Variants in GFRA1 observed in about 807,000 individuals in gnomAD.
The protein encoded by GFRA1 is GDNF family receptor alpha-1.
Under a neutral mutation model 51.6 loss-of-function variants are expected in GFRA1, and 16 were observed. The ratio of observed to expected loss-of-function variants is 0.31; its 90% confidence interval spans 0.21 to 0.47. GFRA1 has a LOEUF of 0.47. GFRA1 is among the 20% of genes least tolerant of loss of function. The pLI, the probability that GFRA1 is intolerant of heterozygous loss-of-function variation, is 1.00. For missense variants in GFRA1, 530 were observed against 594.3 expected (o/e 0.89, Z 1.13); for synonymous variants, 270 against 241.3 (o/e 1.12, Z -1.10).
chr10:116,098,838 C>G (rs1956709335), intron 6 of GFRA1, among the ~76,000 whole-genome samples: 1 of 152,196 alleles, frequency 6.6e-6, no homozygotes, highest in Admixed American at 6.5e-5. Context: ...GAATGAAAGG[C>G]TAATTGAGTC....
chr10:116,136,960 T>C (rs1224666057), intron 5 of GFRA1, among the ~76,000 whole-genome samples: 1 of 152,226 alleles, frequency 6.6e-6, no homozygotes, highest in African/African-American at 2.4e-5. Flanking sequence ...AATCATTGGC[T>C]TTCCCAAAAA....
chr10:116,089,751 G>T lies in GFRA1; in HGVS notation c.1187C>A (p.Ala396Glu). 1 of 1,613,946 alleles carries T rather than the reference G, an allele frequency of 6.2e-7. No homozygotes were observed. The change falls in exon 9 of 11, where the codon GCA becomes GAA. Residue 396 changes from alanine to glutamate, a missense_variant. Coordinates refer to ENST00000355422, the MANE Select transcript of GFRA1 (RefSeq NM_005264.8). Reference protein sequence around the residue: ...EIPTHVLPPCANLQAQKLKSN... With the variant: ...EIPTHVLPPCENLQAQKLKSN... ...GGACGCAGTTCTCACCTGTAAATTT[G>T]CACACGGTGGCAAAACATGAGTGGG...
At chr10:116,273,424 C>A (rs1844096538), upstream of GFRA1, 1 of 152,204 alleles carries the variant, frequency 6.6e-6, no homozygotes, top group South Asian at 2.1e-4. Context: ...TTGGAAGCGG[C>A]GCGGAGAATG....
chr10:116,084,796 A>ACACG (rs1399661158), intron 9 of GFRA1, among the ~76,000 whole-genome samples: 9 of 149,766 alleles, frequency 6.0e-5, no homozygotes, highest in African/African-American at 2.2e-4. Context: ...ACACACACAC[A>ACACG]CACACACACA....
At chr10:116,087,343 G>T (rs1956144185) in intron 9 of GFRA1, among the ~76,000 whole-genome samples, 1 of 152,146 alleles carries the variant, frequency 6.6e-6, no homozygotes, top group Admixed American at 6.5e-5. Flanking sequence ...CCTCTCATGG[G>T]GGAAACTCCA....
chr10:116,113,247 CAT>C lies in GFRA1; in HGVS notation c.770+11972_770+11973del, dbSNP rs1467470973. On this transcript the variant is annotated intron_variant, in intron 6 of 10. Transcript: ENST00000355422. ...AAGTATGTTCTGTTATTTATGGTAA[CAT>C]GTAATGAGCTGCTCGATGTTATTTT... is the stretch of plus-strand genomic sequence containing the variant. Among the ~76,000 whole-genome samples, 11 of 149,156 alleles carry C rather than the reference CAT, an allele frequency of 7.4e-5. 1 individual carries two copies. The Admixed American group carries it at 7.4e-4, about 10-fold the overall frequency.
At chr10:116,124,894 G>A (rs949787039) in intron 6 of GFRA1, among the ~76,000 whole-genome samples, 4 of 152,166 alleles carry the variant, frequency 2.6e-5, no homozygotes, top group Non-Finnish European at 5.9e-5. Context: ...AGCAGCAGGT[G>A]TGTGCCTTAA....
chr10:116,238,358 T>G (rs1967072487), intron 4 of GFRA1, among the ~76,000 whole-genome samples: 1 of 152,150 alleles, frequency 6.6e-6, no homozygotes, highest in African/African-American at 2.4e-5. Flanking sequence ...AATGCAAACT[T>G]TACCATCTGC....
At chr10:116,264,460 C>T (rs1969512583) in intron 4 of GFRA1, among the ~76,000 whole-genome samples, 1 of 152,196 alleles carries the variant, frequency 6.6e-6, no homozygotes, top group South Asian at 2.1e-4. Context: ...ACAAGCAAGT[C>T]TCCGACTTTC....
intron 5 of GFRA1, among the ~76,000 whole-genome samples, chr10:116,210,836 A>G (rs752395678): frequency 5.9e-5 from 9 of 152,146 alleles, no homozygotes; most frequent in East Asian, 1.9e-4. Flanking sequence ...TGCTACCAAC[A>G]TATTTCCCAG....
intron 4 of GFRA1, among the ~76,000 whole-genome samples, chr10:116,227,315 G>A (rs1249897968): frequency 1.3e-5 from 2 of 152,182 alleles, no homozygotes; most frequent in Non-Finnish European, 2.9e-5. Flanking sequence ...GCCAGCCAAT[G>A]CGCAGGGAAC....
rs1491389360 is a variant in GFRA1 at position 116,060,248 on chromosome 10, GAT to G, written c.*4148_*4149del. The G allele has an allele frequency of 6.6e-6, 1 of 152,170 alleles. No homozygotes were observed. The highest frequency in any genetic ancestry group is 1.5e-5 in the Non-Finnish European group (1 of 68,050). 9.4% of individuals were successfully genotyped at this position (152,170 alleles called of 1,614,324 possible). A position where few individuals can be genotyped will look rare whatever the true frequency, so the allele number is the denominator to read the frequency against. The stretch of plus-strand genomic sequence containing the variant: ...CAAGAGGTGTCAGATATACACTTGA[GAT>G]ATCTATCTTAGGGATGAGAGAAAAA... On this transcript the variant is annotated 3_prime_UTR_variant, in exon 11 of 11. Coordinates refer to ENST00000355422, the MANE Select transcript of GFRA1 (RefSeq NM_005264.8).
chr10:116,249,502 TTTTC>T (rs1259719043), intron 4 of GFRA1, among the ~76,000 whole-genome samples: 1 of 152,074 alleles, frequency 6.6e-6, no homozygotes, highest in Non-Finnish European at 1.5e-5. Flanking sequence ...TGCTGACAAA[TTTTC>T]TTTATCATCC....
chr10:116,058,045 A>G lies in GFRA1; in HGVS notation c.*6353T>C, dbSNP rs1164968058. The stretch of plus-strand genomic sequence containing the variant: ...GTGTGTGTGTGTGTGTGTGTGTGAC[A>G]GAGAGAACCACGCTTTATTGGCGGA... On this transcript the variant is annotated 3_prime_UTR_variant, in exon 11 of 11. Coordinates refer to ENST00000355422, the MANE Select transcript of GFRA1 (RefSeq NM_005264.8). 1 of 97,906 alleles carries G rather than the reference A, an allele frequency of 1.0e-5. No individual in the cohort carries two copies. The highest frequency in any genetic ancestry group is 1.9e-5 in the Non-Finnish European group (1 of 52,786). 6.1% of individuals were successfully genotyped at this position (97,906 alleles called of 1,614,324 possible).
chr10:116,246,567 G>GA (rs1565677437), intron 4 of GFRA1, among the ~76,000 whole-genome samples: 1 of 152,136 alleles, frequency 6.6e-6, no homozygotes, highest in Non-Finnish European at 1.5e-5. Flanking sequence ...AAAAGGAAAA[G>GA]AAAAAAGACA....
intron 8 of GFRA1, among the ~76,000 whole-genome samples, chr10:116,090,432 T>TTAAA (rs755378684): frequency 1.7e-5 from 2 of 121,160 alleles, no homozygotes; most frequent in Admixed American, 9.0e-5. Context: ...CCAGTTTCTT[T>TTAAA]AAAAAAAAAA....
intron 4 of GFRA1, among the ~76,000 whole-genome samples, chr10:116,262,611 G>A (rs540934100): frequency 6.6e-6 from 1 of 152,298 alleles, no homozygotes; most frequent in African/African-American, 2.4e-5. Context: ...TTATTTTGGG[G>A]TGGTAGGACG....
intron 5 of GFRA1, among the ~76,000 whole-genome samples, chr10:116,127,321 C>T (rs1957920717): frequency 6.6e-6 from 1 of 152,156 alleles, no homozygotes; most frequent in Non-Finnish European, 1.5e-5. Context: ...AAAGCAAGTC[C>T]AACATTTTAG....
upstream of GFRA1, among the ~76,000 whole-genome samples, chr10:116,273,713 C>CACACACACACAT (rs1844119762): frequency 6.6e-6 from 1 of 152,148 alleles, no homozygotes; most frequent in Non-Finnish European, 1.5e-5. Context: ...CACACAGACA[C>CACACACACACAT]ACACACACAC....
Sources: allele counts gnomAD v4.1 joint callset (sites outside exome capture counted in the v4.1 genomes callset), GRCh38; gene constraint gnomAD v4.1.1; transcripts MANE v1.5; gene names NCBI Gene and HGNC (gene_info 2026-07-23, HGNC 2026-07-21).